ANKRD50: variants seen among roughly 807,000 people sequenced by gnomAD.
ANKRD50 encodes ankyrin repeat domain-containing protein 50.
In ANKRD50, 40 loss-of-function variants were observed where a neutral mutation model predicts 112.0. That is an observed-to-expected ratio of 0.36 (90% CI 0.28 to 0.46). The LOEUF is 0.46. Among genes scored for constraint, ANKRD50 ranks in the 20% least tolerant of loss-of-function variants. The probability of loss-of-function intolerance (pLI) is 1.00; values close to 1 mark genes in which losing one functional copy is unlikely to be tolerated. For synonymous variants in ANKRD50, 613 were observed against 619.1 expected, an observed-to-expected ratio of 0.99 and a Z score of 0.15; for missense variants, 1,487 against 1,701.7, an observed-to-expected ratio of 0.87 and a Z score of 2.22.
Position 124,665,404 on chromosome 4 carries a change from C to T in ANKRD50, c.*2114G>A, listed in dbSNP as rs1730463958. ...ATGTCATATCTTCGCCCTTTGGACA[C>T]AAGGTGCAATTTTGTAAAAACAATA... On this transcript the variant is annotated 3_prime_UTR_variant, in exon 5 of 5. Coordinates refer to ENST00000504087, the MANE Select transcript of ANKRD50 (RefSeq NM_020337.3). The T allele has an allele frequency of 6.6e-6, 1 of 152,250 alleles. No homozygotes were observed. Among genetic ancestry groups the T allele is most frequent in the Admixed American group, 6.6e-5 (1 of 15,204 alleles). 9.4% of individuals were successfully genotyped at this position (152,250 alleles called of 1,614,324 possible).
chr4:124,699,484 T>C (rs908486729), intron 2 of ANKRD50, among the ~76,000 whole-genome samples: 18 of 152,226 alleles, frequency 1.2e-4, no homozygotes, highest in Admixed American at 6.5e-4. Flanking sequence ...TCAATTGAGA[T>C]TGAATTCAAG....
At chr4:124,699,702 T>G (rs567069363) in intron 2 of ANKRD50, among the ~76,000 whole-genome samples, 1 of 151,378 alleles carries the variant, frequency 6.6e-6, no homozygotes, top group African/African-American at 2.4e-5. Flanking sequence ...AAGATACAAA[T>G]ACAATAACCA....
At position 124,666,432 on chromosome 4, in the gene ANKRD50, CA is replaced by C. The variant is rs1730493141; in HGVS notation, c.*1085del. The C allele has an allele frequency of 6.6e-6, 1 of 152,378 alleles. No individual in the cohort carries two copies. The highest frequency in any genetic ancestry group is 1.5e-5 in the Non-Finnish European group (1 of 67,936). The allele number at this position is 152,378 out of a possible 1,614,324, so 9.4% of individuals were successfully genotyped here. On this transcript the variant is annotated 3_prime_UTR_variant, in exon 5 of 5. Transcript: ENST00000504087. ...GAGTGGTGTCATCTGTGAAGGGCAG[CA>C]CATTTTATATTCATCCAGAATATTC... is the stretch of plus-strand genomic sequence containing the variant.
intron 3 of ANKRD50, among the ~76,000 whole-genome samples, chr4:124,677,423 T>C (rs1730797984): frequency 6.6e-6 from 1 of 151,834 alleles, no homozygotes; most frequent in Non-Finnish European, 1.5e-5. Flanking sequence ...AGAGATTTAT[T>C]GATGGGAAGG....
In ANKRD50 at chr4:124,672,027, T is replaced by A; in HGVS notation, c.1250A>T (p.Asp417Val). Residue 417 changes from aspartate (D) to valine (V), a missense_variant, in exon 4 of 5, where the codon GAT becomes GTT. This residue lies in a region of ANKRD50 where 1,046 missense variants were observed against 1,269.5 expected (regional missense o/e 0.82). Coordinates refer to ENST00000504087, the MANE Select transcript of ANKRD50 (RefSeq NM_020337.3). ...ATACTTCTGAGTACAGTGTTTCACA[T>A]CCAGAAGCCACTCGGCAAAACTATA... is the stretch of plus-strand genomic sequence containing the variant. The part of the protein sequence containing the change: ...FHYSFAEWLL[D>V]VKHCTQKYLC... 2 of 1,613,922 alleles carry A rather than the reference T, an allele frequency of 1.2e-6. No homozygotes were observed. The highest frequency in any genetic ancestry group is 1.7e-6 in the Non-Finnish European group (2 of 1,179,874).
At chr4:124,688,494 T>C (rs1048886186) in intron 2 of ANKRD50, among the ~76,000 whole-genome samples, 1 of 152,148 alleles carries the variant, frequency 6.6e-6, no homozygotes, top group African/African-American at 2.4e-5. Flanking sequence ...CTACAAACAG[T>C]AAATTTTACT....
At position 124,670,448 on chromosome 4, in the gene ANKRD50, A is replaced by G. The variant is rs768890786; in HGVS notation, c.2829T>C (p.Asp943=). 5 of 1,613,916 alleles carry G rather than the reference A, an allele frequency of 3.1e-6. No homozygotes were observed. The Admixed American group carries it at 8.3e-5, about 27-fold the overall frequency. The change falls in exon 4 of 5, where the codon GAT becomes GAC. Residue 943 remains aspartate, a synonymous_variant. Transcript: ENST00000504087. The stretch of plus-strand genomic sequence containing the variant: ...TATAAAGTGTAGGCCGACCATCAGC[A>G]TCTTTGCAGTTAACATCAGCACCAT... ...FSHGADVNCK[D]ADGRPTLYIL...
intron 2 of ANKRD50, among the ~76,000 whole-genome samples, chr4:124,682,624 A>G (rs1034881891): frequency 7.2e-5 from 11 of 152,170 alleles, no homozygotes; most frequent in Non-Finnish European, 5.9e-5. Flanking sequence ...CTGTATCATT[A>G]GGAAATGACT....
chr4:124,694,109 G>C (rs555901722), intron 2 of ANKRD50, among the ~76,000 whole-genome samples: 2 of 151,926 alleles, frequency 1.3e-5, no homozygotes, highest in Non-Finnish European at 2.9e-5. Flanking sequence ...AGTGGAACAG[G>C]AAAAAACAAC....
chr4:124,699,565 A>G (rs1725341343), intron 2 of ANKRD50, among the ~76,000 whole-genome samples: 1 of 152,156 alleles, frequency 6.6e-6, no homozygotes, highest in African/African-American at 2.4e-5. Context: ...TATTCCACAG[A>G]TCAAACTATG....
chr4:124,677,471 A>G (rs1398103941), intron 3 of ANKRD50, among the ~76,000 whole-genome samples: 1 of 151,952 alleles, frequency 6.6e-6, no homozygotes. Flanking sequence ...AAATGGATTT[A>G]TAATGAATAT....
At chr4:124,712,417 G>C (rs1009153565) in intron 1 of ANKRD50, 41 bp downstream of exon 1, 4 of 158,750 alleles carry the variant, frequency 2.5e-5, no homozygotes, top group African/African-American at 9.6e-5. Context: ...CAACCCGAGG[G>C]AGGGGCCTCG....
Position 124,670,437 on chromosome 4 carries a change from C to T in ANKRD50, c.2840G>A (p.Arg947Gln), listed in dbSNP as rs747168116. 28 of 1,613,664 alleles carry T rather than the reference C, an allele frequency of 1.7e-5. No homozygotes were observed. Among genetic ancestry groups the T allele is most frequent in the Non-Finnish European group, 2.2e-5 (26 of 1,179,882 alleles). The change falls in exon 4 of 5, where the codon CGG becomes CAG. Residue 947 changes from arginine to glutamine, a missense_variant. Physicochemically the swap from Arg to Gln is conservative, Grantham distance 43. This residue lies in a region of ANKRD50 where 1,046 missense variants were observed against 1,269.5 expected (regional missense o/e 0.82). Transcript: ENST00000504087. ...TAAGGCCAAGATATAAAGTGTAGGC[C>T]GACCATCAGCATCTTTGCAGTTAAC... ...ADVNCKDADGRPTLYILALEN... is the reference protein window; with the variant it reads ...ADVNCKDADGQPTLYILALEN...
chr4:124,672,124 A>T lies in ANKRD50; in HGVS notation c.1153T>A (p.Phe385Ile). The T allele has an allele frequency of 7.4e-6, 12 of 1,613,884 alleles. No individual in the cohort carries two copies. Among genetic ancestry groups the T allele is most frequent in the Non-Finnish European group, 1.0e-5 (12 of 1,179,858 alleles). ...TKNMSLTLED[F>I]QRKLDILSKL... is the part of the protein sequence containing the mutation. ...GAGAGGATATCTAACTTGCGTTGAA[A>T]ATCTTCCAAAGTTAACGACATGTTT... Residue 385 changes from phenylalanine to isoleucine, a missense_variant, in exon 4 of 5, where the codon TTT (phenylalanine) becomes ATT (isoleucine). Coordinates refer to ENST00000504087, the MANE Select transcript of ANKRD50 (RefSeq NM_020337.3).
intron 2 of ANKRD50, among the ~76,000 whole-genome samples, chr4:124,701,293 C>A (rs972857980): frequency 6.6e-6 from 1 of 152,054 alleles, no homozygotes; most frequent in Admixed American, 6.5e-5. Context: ...AGTGAAACGA[C>A]CTGCAATCTC....
In ANKRD50 at chr4:124,669,049, G is replaced by C. The variant is rs1355166497; in HGVS notation, c.4228C>G (p.Leu1410Val). Residue 1410 changes from leucine to valine, a missense_variant, in exon 4 of 5, where the codon CTG becomes GTG. Transcript: ENST00000504087. ...TCAGAACCTTCAATCTGAAGCTTCA[G>C]AGCTTGTTTAAGGCTTAATTCTGTC... The part of the protein sequence containing the change: ...SETELSLKQA[L>V]KLQIEGSDPS... 4 of 1,613,066 alleles carry C rather than the reference G, an allele frequency of 2.5e-6. No homozygotes were observed. Among genetic ancestry groups the C allele is most frequent in the East Asian group, 4.5e-5 (2 of 44,850 alleles).
intron 2 of ANKRD50, among the ~76,000 whole-genome samples, chr4:124,701,710 A>C (rs554245971): frequency 1.8e-3 from 280 of 152,132 alleles, no homozygotes; most frequent in African/African-American, 6.6e-3. Flanking sequence ...GTTTGTTTAT[A>C]GAGATGGGGT....
At chr4:124,701,668 C>T (rs1227088891) in intron 2 of ANKRD50, among the ~76,000 whole-genome samples, 1 of 152,006 alleles carries the variant, frequency 6.6e-6, no homozygotes, top group Non-Finnish European at 1.5e-5. Flanking sequence ...AGGCAACCAA[C>T]TGGAACACAC....
Position 124,671,103 on chromosome 4 carries a change from TTAC to T in ANKRD50, c.2171_2173del (p.Ser724del), listed in dbSNP as rs1730636609. The T allele has an allele frequency of 6.2e-7, 1 of 1,613,698 alleles. No homozygotes were observed. Among genetic ancestry groups the T allele is most frequent in the Admixed American group, 1.7e-5 (1 of 59,932 alleles). ...AAGGCTAACAACTGATGCGTGCCCT[TTAC>T]TTGCAGGCACACAAAGTGCAGCTAC... On this transcript the variant is annotated inframe_deletion, in exon 4 of 5. Transcript: ENST00000504087.
Sources: allele counts gnomAD v4.1 joint callset (sites outside exome capture counted in the v4.1 genomes callset), GRCh38; gene constraint gnomAD v4.1.1; regional missense constraint gnomAD v4.1.1; transcripts MANE v1.5; gene names NCBI Gene and HGNC (gene_info 2026-07-23, HGNC 2026-07-21).